IFT122: variants seen among roughly 807,000 people sequenced by gnomAD.
IFT122 encodes the protein intraflagellar transport protein 122 homolog.
In IFT122, 118 loss-of-function variants were observed where a neutral mutation model predicts 161.6. That is an observed-to-expected ratio of 0.73 (90% confidence interval 0.63 to 0.85). The LOEUF is 0.85. IFT122 is among the 40% of genes least tolerant of loss of function. The pLI, the probability that IFT122 is intolerant of heterozygous loss-of-function variation, is 0.00. For synonymous variants in IFT122, 550 were observed against 602.4 expected, an observed-to-expected ratio of 0.91 and a Z score of 1.27; for missense variants, 1,381 against 1,579.6, an observed-to-expected ratio of 0.87 and a Z score of 2.13.
chr3:129,502,778 C>G lies in IFT122; in HGVS notation c.2443C>G (p.Leu815Val), dbSNP rs751338226. Residue 815 changes from leucine to valine, a missense_variant, in exon 20 of 30, where the codon CTC becomes GTC. Transcript: ENST00000348417. ...REPLLLCATY[L>V]KKLDSPGYAA... The stretch of plus-strand genomic sequence containing the variant: ...GCCCCTGCTGCTGTGCGCTACCTAC[C>G]TCAAGAAGCTGGACAGCCCTGGCTA... 2 of 1,612,986 alleles carry G rather than the reference C, an allele frequency of 1.2e-6. No homozygotes were observed. Among genetic ancestry groups the G allele is most frequent in the Non-Finnish European group, 1.7e-6 (2 of 1,180,034 alleles).
intron 20 of IFT122, among the ~76,000 whole-genome samples, chr3:129,503,085 C>G (rs926901906): frequency 6.6e-6 from 1 of 152,188 alleles, no homozygotes; most frequent in Non-Finnish European, 1.5e-5. Flanking sequence ...TCCCTTCATT[C>G]AGTCATTGAG....
chr3:129,491,883 T>A (rs2080149454), intron 16 of IFT122, among the ~76,000 whole-genome samples: 1 of 152,228 alleles, frequency 6.6e-6, no homozygotes, highest in Admixed American at 6.5e-5. Flanking sequence ...GCATCACGGT[T>A]TTGTTTTACC....
At chr3:129,487,449 A>G (rs1447186798) in intron 15 of IFT122, 1 of 152,882 alleles carries the variant, frequency 6.5e-6, no homozygotes, top group Non-Finnish European at 1.5e-5. Flanking sequence ...CCTACTGCAC[A>G]GGACTGTGGG....
chr3:129,447,044 G>A (rs1430336969), intron 1 of IFT122, among the ~76,000 whole-genome samples: 1 of 152,130 alleles, frequency 6.6e-6, no homozygotes. Flanking sequence ...CATTTTTCTA[G>A]CCTCATTTCT....
chr3:129,499,856 C>T (rs2081328806), intron 18 of IFT122, 46 bp from the exon 19 acceptor site: 1 of 1,610,110 alleles, frequency 6.2e-7, no homozygotes, highest in African/African-American at 1.3e-5. Context: ...AACGCTGGCA[C>T]AGGAAGTTCT....
chr3:129,502,721 A>G lies in IFT122; in HGVS notation c.2386A>G (p.Ile796Val), dbSNP rs946553249. The change falls in exon 20 of 30, where the codon ATC becomes GTC. Residue 796 changes from isoleucine to valine, a missense_variant. Coordinates refer to ENST00000348417, the MANE Select transcript of IFT122 (RefSeq NM_052989.3). Reference sequence around the variant, plus strand: ...CCCTTCCCTCTCCAGGTTGATCGACATCGCCCGCAAACTGGACAAGGCTGA... The same window carrying G: ...CCCTTCCCTCTCCAGGTTGATCGACGTCGCCCGCAAACTGGACAAGGCTGA... ...DHGWVDMLID[I>V]ARKLDKAERE... The G allele has an allele frequency of 4.4e-6, 7 of 1,607,774 alleles. No individual in the cohort carries two copies. The highest frequency in any genetic ancestry group is 5.9e-6 in the Non-Finnish European group (7 of 1,179,992).
At chr3:129,466,331 C>CA (rs2076769385) in intron 7 of IFT122, among the ~76,000 whole-genome samples, 1 of 152,004 alleles carries the variant, frequency 6.6e-6, no homozygotes, top group African/African-American at 2.4e-5. Context: ...TGTCAAAGGC[C>CA]ATTAGCCTGC....
chr3:129,519,218 G>C lies in IFT122; in HGVS notation c.3471+32G>C, dbSNP rs543243020. On this transcript the variant is annotated intron_variant, in intron 28 of 29. Coordinates refer to ENST00000348417, the MANE Select transcript of IFT122 (RefSeq NM_052989.3). ...GTGCCTCTCTGGGTGACCTGCAGGAGGGCAGCCTCCATCCCTTCTCCTGTG... is the reference window on the plus strand; with the variant it reads ...GTGCCTCTCTGGGTGACCTGCAGGACGGCAGCCTCCATCCCTTCTCCTGTG... The C allele has an allele frequency of 1.8e-4, 280 of 1,580,684 alleles. 3 individuals carry two copies. The South Asian group carries it at 2.9e-3, about 16-fold the overall frequency.
chr3:129,499,041 C>T (rs1253623558), intron 18 of IFT122, among the ~76,000 whole-genome samples: 1 of 152,180 alleles, frequency 6.6e-6, no homozygotes, highest in Non-Finnish European at 1.5e-5. Context: ...GAACACAGGC[C>T]CTAGGCCTGA....
chr3:129,514,474 C>G lies in IFT122; in HGVS notation c.3073C>G (p.Leu1025Val), dbSNP rs778888913. ...ARHAYDKLRG[L>V]YIPARFQKSI... ...GCACGCCTATGACAAGCTGCGTGGC[C>G]TGTACATCCCTGCCAGATTCCAAAA... is the stretch of plus-strand genomic sequence containing the variant. Residue 1025 changes from leucine to valine, a missense_variant, in exon 25 of 30, where the codon CTG becomes GTG. Leu to Val is a conservative substitution (Grantham distance 32). Transcript: ENST00000348417. 6.5e-5 allele frequency: 105 copies of G among 1,614,112 alleles called. No homozygotes were observed. The highest frequency in any genetic ancestry group is 7.7e-5 in the South Asian group (7 of 91,082).
intron 16 of IFT122, among the ~76,000 whole-genome samples, chr3:129,489,940 G>C (rs527387636): frequency 2.0e-5 from 3 of 151,684 alleles, no homozygotes; most frequent in African/African-American, 7.3e-5. Context: ...GGAGGGAGAC[G>C]ACAAATCCCT....
intron 18 of IFT122, among the ~76,000 whole-genome samples, chr3:129,499,060 C>A (rs1020564326): frequency 2.0e-5 from 3 of 152,204 alleles, no homozygotes; most frequent in Non-Finnish European, 4.4e-5. Flanking sequence ...GATCTCTGAG[C>A]CTCCAGGACC....
intron 3 of IFT122, 127 bp downstream of exon 3, chr3:129,452,125 T>C: frequency 1.4e-6 from 1 of 728,666 alleles, no homozygotes. Context: ...GACAGTGAAG[T>C]TGCTAAGACT....
At chr3:129,449,548 T>C (rs886111519) in intron 1 of IFT122, among the ~76,000 whole-genome samples, 1 of 152,224 alleles carries the variant, frequency 6.6e-6, no homozygotes, top group African/African-American at 2.4e-5. Context: ...CCTTAACACA[T>C]TCTCTCATGT....
intron 3 of IFT122, among the ~76,000 whole-genome samples, chr3:129,457,507 G>C (rs760119480): frequency 3.3e-5 from 5 of 151,966 alleles, no homozygotes; most frequent in Non-Finnish European, 7.4e-5. Context: ...CATGTGGATG[G>C]GTCTGTCTCC....
At chr3:129,466,247 G>A (rs532482212) in intron 7 of IFT122, among the ~76,000 whole-genome samples, 47 of 152,216 alleles carry the variant, frequency 3.1e-4, no homozygotes, top group African/African-American at 1.1e-3. Context: ...GATTTAGAAG[G>A]TTGTTTGGAA....
chr3:129,458,344 C>T (rs1420646191), intron 3 of IFT122, among the ~76,000 whole-genome samples: 2 of 152,136 alleles, frequency 1.3e-5, no homozygotes, highest in African/African-American at 4.8e-5. Flanking sequence ...TTAATCATTA[C>T]TTAATCCCTA....
At chr3:129,475,529 G>C (rs1333342330) in intron 9 of IFT122, among the ~76,000 whole-genome samples, 1 of 152,182 alleles carries the variant, frequency 6.6e-6, no homozygotes, top group African/African-American at 2.4e-5. Flanking sequence ...TCACACATCT[G>C]TAGTCCCAGC....
Position 129,515,003 on chromosome 3 carries a change from TC to T in IFT122, c.3153+451del, listed in dbSNP as rs1380118141. The T allele has an allele frequency of 8.3e-6, 3 of 359,834 alleles. No individual in the cohort carries two copies. In the East Asian group the frequency reaches 2.1e-4, roughly 26 times the overall value. 22.3% of individuals were successfully genotyped at this position (359,834 alleles called of 1,614,324 possible). A position where few individuals can be genotyped will look rare whatever the true frequency, so the allele number is the denominator to read the frequency against. On this transcript the variant is annotated intron_variant, in intron 25 of 29. Coordinates refer to ENST00000348417, the MANE Select transcript of IFT122 (RefSeq NM_052989.3). Reference sequence around the variant, plus strand: ...CCAGCCAGCTTCCTTCTTTCACACATCCTCCCTCAAGCTCAGAGCAAGGACT... The same window carrying T: ...CCAGCCAGCTTCCTTCTTTCACACATCTCCCTCAAGCTCAGAGCAAGGACT...
Sources: allele counts gnomAD v4.1 joint callset (sites outside exome capture counted in the v4.1 genomes callset), GRCh38; gene constraint gnomAD v4.1.1; transcripts MANE v1.5; gene names NCBI Gene and HGNC (gene_info 2026-07-23, HGNC 2026-07-21).